Variants in IMMP2L observed in about 807,000 individuals in gnomAD.
The protein encoded by IMMP2L is inner mitochondrial membrane peptidase subunit 2.
Under a neutral mutation model 19.3 loss-of-function variants are expected in IMMP2L, and 18 were observed. The ratio of observed to expected loss-of-function variants is 0.93; its 90% CI spans 0.64 to 1.38. The LOEUF is 1.38. IMMP2L is among the 40% of genes most tolerant of loss of function. IMMP2L has a pLI of 0.00. For missense variants in IMMP2L, 233 were observed against 218.2 expected (o/e 1.07, Z -0.43); for synonymous variants, 76 against 73.0 (o/e 1.04, Z -0.21).
At chr7:110,917,848 A>C (rs10269721) in intron 4 of IMMP2L, among the ~76,000 whole-genome samples, 5,419 of 152,300 alleles carry the variant, frequency 0.036, 326 homozygotes, top group African/African-American at 0.12. Context: ...ATAAGAAATT[A>C]ATGAAAATAT....
At chr7:111,480,639 T>C (rs540291907) in intron 3 of IMMP2L, among the ~76,000 whole-genome samples, 6 of 149,354 alleles carry the variant, frequency 4.0e-5, no homozygotes, top group African/African-American at 1.5e-4. Flanking sequence ...ACCTAGGTAC[T>C]TCATCCTCCC....
intron 3 of IMMP2L, among the ~76,000 whole-genome samples, chr7:111,294,641 T>C (rs574403774): frequency 6.6e-6 from 1 of 151,930 alleles, no homozygotes; most frequent in Non-Finnish European, 1.5e-5. Flanking sequence ...AATGATTTCC[T>C]AGTATTTTCC....
intron 3 of IMMP2L, among the ~76,000 whole-genome samples, chr7:111,284,429 G>A (rs77128561): frequency 1.5e-3 from 226 of 152,230 alleles, no homozygotes; most frequent in Non-Finnish European, 2.6e-3. Context: ...CATTTGGAGA[G>A]AGGGAGTAGG....
At chr7:110,932,631 G>A (rs1457212913) in intron 4 of IMMP2L, among the ~76,000 whole-genome samples, 3 of 152,164 alleles carry the variant, frequency 2.0e-5, no homozygotes, top group Non-Finnish European at 4.4e-5. Context: ...TGGGATTATA[G>A]GCGTGAGCCA....
chr7:111,429,133 C>G (rs983798028), intron 3 of IMMP2L, among the ~76,000 whole-genome samples: 5 of 151,802 alleles, frequency 3.3e-5, no homozygotes, highest in South Asian at 4.2e-4. Flanking sequence ...CATTAAGTAA[C>G]ACTTGTATAT....
At chr7:111,350,350 C>T (rs1002354797) in intron 3 of IMMP2L, among the ~76,000 whole-genome samples, 3 of 147,214 alleles carry the variant, frequency 2.0e-5, no homozygotes, top group Non-Finnish European at 4.5e-5. Flanking sequence ...TGCATATATA[C>T]ATATATATAT....
chr7:110,751,848 A>G (rs1797739386), intron 5 of IMMP2L, among the ~76,000 whole-genome samples: 2 of 152,086 alleles, frequency 1.3e-5, no homozygotes, highest in Non-Finnish European at 2.9e-5. Context: ...AAACAAAATG[A>G]AAGAATACAT....
chr7:111,541,990 A>C (rs562855532), intron 1 of IMMP2L, among the ~76,000 whole-genome samples: 18 of 152,286 alleles, frequency 1.2e-4, no homozygotes, highest in Non-Finnish European at 1.9e-4. Flanking sequence ...AGACGTAGGT[A>C]ACAGAATCCT....
chr7:110,702,664 T>C (rs1268500090), intron 5 of IMMP2L, among the ~76,000 whole-genome samples: 1 of 152,158 alleles, frequency 6.6e-6, no homozygotes, highest in Non-Finnish European at 1.5e-5. Context: ...TTTTTCAAGG[T>C]TTTAATGCTA....
rs879400160 is a variant in IMMP2L, at chr7:111,448,471, C to T, written c.239+38767G>A. Among the ~76,000 whole-genome samples, 8 of 147,890 alleles carry T rather than the reference C, an allele frequency of 5.4e-5. No individual in the cohort carries two copies. The East Asian group carries it at 1.2e-3, about 22-fold the overall frequency. ...TCCTGAATGACTACTGGGTACATAA[C>T]GAAATGAAGGCAGAAATAAAGATGT... is the stretch of plus-strand genomic sequence containing the variant. On this transcript the variant is annotated intron_variant, in intron 3 of 5. Coordinates refer to ENST00000405709, the MANE Select transcript of IMMP2L (RefSeq NM_032549.4).
chr7:111,156,003 C>G lies in IMMP2L; in HGVS notation c.240-192438G>C, dbSNP rs140389706. On this transcript the variant is annotated intron_variant, in intron 3 of 5. Transcript: ENST00000405709. ...TTTGACTTATTTGCTCCAGATTATA[C>G]CTGTGAGATTTATCCATGTTCTTTG... Among the ~76,000 whole-genome samples, 46 of 152,152 alleles carry G rather than the reference C, an allele frequency of 3.0e-4. No individual in the cohort carries two copies. In the East Asian group the frequency reaches 8.7e-3, roughly 29 times the overall value.
At chr7:111,308,171 T>C (rs1823093328) in intron 3 of IMMP2L, among the ~76,000 whole-genome samples, 1 of 151,974 alleles carries the variant, frequency 6.6e-6, no homozygotes, top group Non-Finnish European at 1.5e-5. Flanking sequence ...AAAGTAAATA[T>C]AATGTCTACA....
At chr7:111,053,700 A>G (rs901586642) in intron 3 of IMMP2L, among the ~76,000 whole-genome samples, 1 of 152,154 alleles carries the variant, frequency 6.6e-6, no homozygotes, top group Non-Finnish European at 1.5e-5. Flanking sequence ...TAACAAGAGG[A>G]CATACATTAT....
chr7:111,549,516 A>C (rs892382559), intron 1 of IMMP2L, among the ~76,000 whole-genome samples: 23 of 152,290 alleles, frequency 1.5e-4, no homozygotes, highest in African/African-American at 5.1e-4. Context: ...TTTAATATAG[A>C]AGTTTTAACT....
At chr7:111,393,596 G>A (rs1832596947) in intron 3 of IMMP2L, among the ~76,000 whole-genome samples, 1 of 152,114 alleles carries the variant, frequency 6.6e-6, no homozygotes, top group South Asian at 2.1e-4. Context: ...ACGTAGGAGG[G>A]AATGGTTTAC....
At chr7:110,898,993 T>G (rs1358613358) in intron 4 of IMMP2L, among the ~76,000 whole-genome samples, 1 of 152,088 alleles carries the variant, frequency 6.6e-6, no homozygotes, top group African/African-American at 2.4e-5. Context: ...TCAAGACATA[T>G]GAACTGACTG....
intron 5 of IMMP2L, among the ~76,000 whole-genome samples, chr7:110,848,914 G>A (rs1805931430): frequency 6.6e-6 from 1 of 152,102 alleles, no homozygotes; most frequent in Admixed American, 6.6e-5. Context: ...CCAGAAATTA[G>A]TTGGGAGGAA....
At chr7:111,132,176 A>G (rs1190582433) in intron 3 of IMMP2L, among the ~76,000 whole-genome samples, 13 of 152,034 alleles carry the variant, frequency 8.6e-5, no homozygotes. Context: ...CAAGAAAGGA[A>G]AACCTATGCA....
intron 3 of IMMP2L, among the ~76,000 whole-genome samples, chr7:111,168,087 T>C (rs1489534947): frequency 1.3e-5 from 2 of 152,090 alleles, no homozygotes; most frequent in East Asian, 1.9e-4. Context: ...TTAAGGTCTA[T>C]AGAACACTGG....
Sources: allele counts gnomAD v4.1 joint callset (sites outside exome capture counted in the v4.1 genomes callset), GRCh38; gene constraint gnomAD v4.1.1; transcripts MANE v1.5; gene names NCBI Gene and HGNC (gene_info 2026-07-23, HGNC 2026-07-21).